The following FAT3 variants were observed in gnomAD, a reference collection of about 807,000 sequenced individuals.
FAT3 encodes the protein protocadherin Fat 3.
A neutral mutation model predicts 310.2 loss-of-function variants in FAT3; 95 were observed. That is an observed-to-expected ratio of 0.31 (90% CI 0.26 to 0.36). FAT3 has a LOEUF of 0.36. Among genes scored for constraint, FAT3 ranks in the 10% least tolerant of loss-of-function variants. FAT3 has a pLI of 1.00. For synonymous variants in FAT3, 2,314 were observed against 2,192.9 expected, an observed-to-expected ratio of 1.06 and a Z score of -1.54; for missense variants, 5,408 against 5,715.6, an observed-to-expected ratio of 0.95 and a Z score of 1.74.
rs2136443110 is a variant in FAT3 at position 92,890,564 on chromosome 11, G to A, written c.13221G>A (p.Glu4407=). ...ACATAGAGGAAGTGCCCAACTATGA[G>A]AACCAGGATGGAGGGTCTGCACACC... is the stretch of plus-strand genomic sequence containing the variant. ...LSDIEEVPNY[E]NQDGGSAHQG... The change falls in exon 28 of 28, where the codon GAG becomes GAA. Residue 4407 remains glutamate, a synonymous_variant. Coordinates refer to ENST00000525166, the MANE Select transcript of FAT3 (RefSeq NM_001367949.2). The A allele has an allele frequency of 6.2e-7, 1 of 1,613,266 alleles. No homozygotes were observed. The highest frequency in any genetic ancestry group is 8.5e-7 in the Non-Finnish European group (1 of 1,179,720).
chr11:92,639,778 A>G (rs1276018758), intron 3 of FAT3, among the ~76,000 whole-genome samples: 2 of 152,184 alleles, frequency 1.3e-5, no homozygotes, highest in Non-Finnish European at 2.9e-5. Flanking sequence ...GTTTTTGAGA[A>G]TCACCACTTA....
At chr11:92,568,631 G>C (rs1456435662) in intron 3 of FAT3, among the ~76,000 whole-genome samples, 1 of 152,108 alleles carries the variant, frequency 6.6e-6, no homozygotes, top group African/African-American at 2.4e-5. Flanking sequence ...ATTGCTAACA[G>C]AATAAAGTCC....
chr11:92,615,943 T>C (rs1277056229), intron 3 of FAT3, among the ~76,000 whole-genome samples: 1 of 152,022 alleles, frequency 6.6e-6, no homozygotes. Flanking sequence ...CTGAGAAGAA[T>C]GTATATTCTG....
intron 4 of FAT3, among the ~76,000 whole-genome samples, chr11:92,709,170 C>T (rs1214646013): frequency 6.6e-6 from 1 of 152,210 alleles, no homozygotes; most frequent in African/African-American, 2.4e-5. Flanking sequence ...TAAGCTTTCT[C>T]CCGGAATCAT....
Position 92,891,172 on chromosome 11 carries a change from G to T in FAT3, c.*59G>T. On this transcript the variant is annotated 3_prime_UTR_variant, in exon 28 of 28. Transcript: ENST00000525166. ...ACAGAAAAGTGGAAGCAGATTGGCT[G>T]GGCTTCTGTCCCAGTGGAGCATTGT... 1 of 1,578,606 alleles carries T rather than the reference G, an allele frequency of 6.3e-7. No homozygotes were observed. Among genetic ancestry groups the T allele is most frequent in the Admixed American group, 1.7e-5 (1 of 57,522 alleles).
chr11:92,720,035 A>AT (rs2135970093), intron 4 of FAT3, among the ~76,000 whole-genome samples: 1 of 152,070 alleles, frequency 6.6e-6, no homozygotes, highest in South Asian at 2.1e-4. Context: ...AACTTCCTGG[A>AT]TTTTTTTCTA....
intron 3 of FAT3, among the ~76,000 whole-genome samples, chr11:92,643,185 T>C (rs1327457194): frequency 1.3e-5 from 2 of 152,202 alleles, no homozygotes; most frequent in East Asian, 3.9e-4. Flanking sequence ...TTCTTTCTAT[T>C]ACATCAGGTT....
intron 1 of FAT3, among the ~76,000 whole-genome samples, chr11:92,230,418 C>A (rs1265631659): frequency 2.0e-5 from 3 of 151,898 alleles, no homozygotes; most frequent in Non-Finnish European, 4.4e-5. Flanking sequence ...CTCAGTCTCC[C>A]GAGTAACTGG....
chr11:92,391,196 C>T (rs754633028), intron 2 of FAT3, among the ~76,000 whole-genome samples: 2 of 152,188 alleles, frequency 1.3e-5, no homozygotes, highest in Admixed American at 6.5e-5. Flanking sequence ...AAACCTTTCA[C>T]TCTGTCTTCT....
At chr11:92,366,610 G>T (rs1014417677) in intron 2 of FAT3, 1 of 529,816 alleles carries the variant, frequency 1.9e-6, no homozygotes, top group Non-Finnish European at 3.9e-6. Flanking sequence ...TAGACAATGG[G>T]AATAACCAGT....
At chr11:92,750,799 A>G (rs771387565) in intron 4 of FAT3, among the ~76,000 whole-genome samples, 23 of 152,204 alleles carry the variant, frequency 1.5e-4, no homozygotes, top group Non-Finnish European at 2.6e-4. Flanking sequence ...GGCCTCTTAT[A>G]CATTTTATTT....
At chr11:92,273,757 G>T (rs925443427) in intron 1 of FAT3, among the ~76,000 whole-genome samples, 4 of 152,040 alleles carry the variant, frequency 2.6e-5, no homozygotes, top group African/African-American at 7.2e-5. Flanking sequence ...TCTGCATGGG[G>T]CTCTAAGTCT....
chr11:92,822,886 T>C (rs1169474119), intron 13 of FAT3, among the ~76,000 whole-genome samples: 1 of 152,200 alleles, frequency 6.6e-6, no homozygotes, highest in Non-Finnish European at 1.5e-5. Flanking sequence ...AATTTCAGCA[T>C]TGTTAACTTC....
intron 2 of FAT3, among the ~76,000 whole-genome samples, chr11:92,412,720 T>TACACAC (rs71064705): frequency 1.1e-4 from 2 of 18,686 alleles, no homozygotes; most frequent in Non-Finnish European, 3.4e-4. Context: ...TATATATATA[T>TACACAC]ATATATATAT....
chr11:92,335,885 A>G (rs983792955), intron 1 of FAT3: 44 of 261,968 alleles, frequency 1.7e-4, no homozygotes, highest in African/African-American at 9.8e-4. Context: ...AACAGACACA[A>G]CAAAGTCCAA....
intron 1 of FAT3, among the ~76,000 whole-genome samples, chr11:92,289,455 A>G (rs1294274754): frequency 6.6e-6 from 1 of 151,382 alleles, no homozygotes; most frequent in Non-Finnish European, 1.5e-5. Flanking sequence ...TCTCATCTCA[A>G]TAAATGGTAG....
intron 2 of FAT3, among the ~76,000 whole-genome samples, chr11:92,379,941 A>G (rs11019941): frequency 6.7e-4 from 102 of 152,246 alleles, no homozygotes; most frequent in African/African-American, 2.4e-3. Flanking sequence ...TGAGGTAAAA[A>G]ATCAACCTAA....
intron 3 of FAT3, among the ~76,000 whole-genome samples, chr11:92,635,249 T>C (rs1306483937): frequency 6.6e-6 from 1 of 152,176 alleles, no homozygotes; most frequent in Admixed American, 6.5e-5. Context: ...TTTTTTCTTT[T>C]TATCACTCTG....
At chr11:92,314,354 T>G in intron 1 of FAT3, 2 of 912,596 alleles carry the variant, frequency 2.2e-6, no homozygotes, top group Non-Finnish European at 2.6e-6. Context: ...ATTTTTACAT[T>G]TGTAAAAAAA....
Sources: allele counts gnomAD v4.1 joint callset (sites outside exome capture counted in the v4.1 genomes callset), GRCh38; gene constraint gnomAD v4.1.1; transcripts MANE v1.5; gene names NCBI Gene and HGNC (gene_info 2026-07-23, HGNC 2026-07-21).